Variants in SLC35F3 observed in about 807,000 individuals in gnomAD.
The protein encoded by SLC35F3 is putative thiamine transporter SLC35F3.
In SLC35F3, 25 loss-of-function variants were observed where a neutral mutation model predicts 49.9. That is an observed-to-expected ratio of 0.50 (90% CI 0.37 to 0.70). The LOEUF (loss-of-function observed/expected upper bound fraction) is 0.70, where lower values mean the gene tolerates loss of function less well. SLC35F3 is among the 30% of genes least tolerant of loss of function. The pLI is 0.00. For synonymous variants in SLC35F3, 275 were observed against 265.4 expected (o/e 1.04, Z -0.35); for missense variants, 525 against 639.8 (o/e 0.82, Z 1.94).
At position 233,905,586 on chromosome 1, in the gene SLC35F3, G is replaced by C. The variant is rs1250013776; in HGVS notation, c.111G>C (p.Gln37His). Residue 37 changes from glutamine to histidine, a missense_variant, in exon 2 of 8, where the codon CAG (glutamine) becomes CAC (histidine). Around this residue, in one of 4 missense-constraint regions of SLC35F3, gnomAD observed 228 missense variants for 218.9 expected, o/e 1.04. Coordinates refer to ENST00000366618, the MANE Select transcript of SLC35F3 (RefSeq NM_173508.4). ...GGAGACTGTCCGACATCAGCCCCCA[G>C]CTCCGGCAGCTCAAGTACTTGGTGG... is the stretch of plus-strand genomic sequence containing the variant. ...SPRRLSDISP[Q>H]LRQLKYLVVD... 12 of 1,614,032 alleles carry C rather than the reference G, an allele frequency of 7.4e-6. No individual in the cohort carries two copies. The highest frequency in any genetic ancestry group is 1.0e-5 in the Non-Finnish European group (12 of 1,180,044).
chr1:234,254,596 T>A (rs1667787675), intron 3 of SLC35F3, among the ~76,000 whole-genome samples: 1 of 152,184 alleles, frequency 6.6e-6, no homozygotes, highest in African/African-American at 2.4e-5. Flanking sequence ...CCAAGTTAAT[T>A]CTATCCCAGG....
Position 233,905,084 on chromosome 1 carries a change from A to T in SLC35F3, c.7A>T (p.Ile3Phe). 6.4e-7 allele frequency: 1 copy of T among 1,564,068 alleles called. No homozygotes were observed. The highest frequency in any genetic ancestry group is 1.3e-5 in the African/African-American group (1 of 74,224). Residue 3 changes from isoleucine to phenylalanine, a missense_variant, in exon 1 of 8, where the codon ATT becomes TTT. By Grantham distance (21) the Ile-to-Phe change is conservative (BLOSUM62 0). Around this residue, in one of 4 missense-constraint regions of SLC35F3, gnomAD observed 228 missense variants for 218.9 expected, o/e 1.04. Transcript: ENST00000366618. ...TCCCACTCTGTCTTTGCCTATGGGG[A>T]TTCGAGAGTTTCCCAGCGGCGCACC... MG[I>F]REFPSGAPRG...
At chr1:234,193,471 G>C (rs1666760364) in intron 2 of SLC35F3, among the ~76,000 whole-genome samples, 1 of 152,110 alleles carries the variant, frequency 6.6e-6, no homozygotes, top group Non-Finnish European at 1.5e-5. Flanking sequence ...CTAAATCAAA[G>C]ATCTGAAACT....
intron 2 of SLC35F3, among the ~76,000 whole-genome samples, chr1:234,203,477 C>T (rs1011000442): frequency 2.0e-5 from 3 of 152,170 alleles, no homozygotes; most frequent in African/African-American, 7.2e-5. Flanking sequence ...CTTTGGGAAG[C>T]CAAGGTGGGA....
chr1:234,317,369 CT>C (rs1657516969), intron 5 of SLC35F3, among the ~76,000 whole-genome samples: 1 of 151,592 alleles, frequency 6.6e-6, no homozygotes, highest in South Asian at 2.1e-4. Context: ...ATCAAGCCCC[CT>C]GGCTGCTCTC....
chr1:233,962,483 C>A (rs536818533), intron 2 of SLC35F3, among the ~76,000 whole-genome samples: 1 of 152,194 alleles, frequency 6.6e-6, no homozygotes, highest in Non-Finnish European at 1.5e-5. Flanking sequence ...ACACTAATTG[C>A]CAGGCATGCA....
At chr1:234,007,959 G>A (rs948716746) in intron 2 of SLC35F3, among the ~76,000 whole-genome samples, 1 of 152,028 alleles carries the variant, frequency 6.6e-6, no homozygotes, top group Non-Finnish European at 1.5e-5. Context: ...ATGAGACTAG[G>A]GCTAAATAGA....
At chr1:233,943,011 T>TG (rs775877193) in intron 2 of SLC35F3, among the ~76,000 whole-genome samples, 32 of 152,372 alleles carry the variant, frequency 2.1e-4, no homozygotes, top group Non-Finnish European at 4.1e-4. Context: ...GATTCATTCA[T>TG]GCTGTTGCAA....
chr1:234,084,356 T>C (rs1263997007), intron 2 of SLC35F3, among the ~76,000 whole-genome samples: 1 of 152,204 alleles, frequency 6.6e-6, no homozygotes, highest in East Asian at 1.9e-4. Flanking sequence ...CCCATTCAGT[T>C]ATTTGCACGT....
In SLC35F3 at chr1:234,284,312, A is replaced by G. The variant is rs537696234; in HGVS notation, c.609-24789A>G. 1.4e-4 allele frequency among the ~76,000 whole-genome samples: 21 copies of G among 152,352 alleles called. No individual in the cohort carries two copies. In the South Asian group the frequency reaches 3.9e-3, roughly 29 times the overall value. On this transcript the variant is annotated intron_variant, in intron 3 of 7. Transcript: ENST00000366618. ...CCCAAGATCTCACAGCTAGGAGGTGATAAGGGCAGAATTCAAGCCCAGATG... is the reference window on the plus strand; with the variant it reads ...CCCAAGATCTCACAGCTAGGAGGTGGTAAGGGCAGAATTCAAGCCCAGATG...
intron 2 of SLC35F3, among the ~76,000 whole-genome samples, chr1:234,100,547 T>G (rs1665199414): frequency 6.6e-6 from 1 of 152,228 alleles, no homozygotes; most frequent in Admixed American, 6.5e-5. Flanking sequence ...TTCAATGTGT[T>G]TATTTCCCAT....
intron 2 of SLC35F3, among the ~76,000 whole-genome samples, chr1:234,218,743 A>C (rs964310941): frequency 6.6e-6 from 1 of 152,182 alleles, no homozygotes; most frequent in African/African-American, 2.4e-5. Context: ...ATATCAGCTC[A>C]TGGCACTTTG....
chr1:234,202,035 T>C (rs2102934992), intron 2 of SLC35F3, among the ~76,000 whole-genome samples: 1 of 151,742 alleles, frequency 6.6e-6, no homozygotes, highest in East Asian at 1.9e-4. Context: ...ATATACACCA[T>C]GGAATACTAT....
chr1:234,275,709 G>A (rs552644374), intron 3 of SLC35F3, among the ~76,000 whole-genome samples: 176 of 149,096 alleles, frequency 1.2e-3, no homozygotes, highest in African/African-American at 3.8e-3. Flanking sequence ...TATGTTCTCC[G>A]ATCAGGTCAA....
At chr1:234,047,088 T>C (rs923004870) in intron 2 of SLC35F3, among the ~76,000 whole-genome samples, 4 of 152,230 alleles carry the variant, frequency 2.6e-5, no homozygotes, top group African/African-American at 9.6e-5. Context: ...AAACGCTTTT[T>C]GAGATTTTGA....
At chr1:234,164,038 A>G (rs1212066806) in intron 2 of SLC35F3, among the ~76,000 whole-genome samples, 1 of 152,048 alleles carries the variant, frequency 6.6e-6, no homozygotes, top group Non-Finnish European at 1.5e-5. Context: ...TGTAGCAGAG[A>G]CTGTAGAAGA....
At chr1:234,055,900 G>C (rs1290851767) in intron 2 of SLC35F3, among the ~76,000 whole-genome samples, 2 of 152,012 alleles carry the variant, frequency 1.3e-5, no homozygotes, top group Admixed American at 1.3e-4. Flanking sequence ...TTTATAATTG[G>C]ATATTACCAG....
intron 3 of SLC35F3, among the ~76,000 whole-genome samples, chr1:234,268,325 C>T (rs558023879): frequency 1.4e-5 from 2 of 139,154 alleles, no homozygotes; most frequent in African/African-American, 5.3e-5. Context: ...CGTGGCGGCG[C>T]GCGCCTGCAA....
chr1:234,031,676 T>C (rs904763815), intron 2 of SLC35F3, among the ~76,000 whole-genome samples: 2 of 152,146 alleles, frequency 1.3e-5, no homozygotes, highest in Admixed American at 1.3e-4. Flanking sequence ...TCCCATTTCA[T>C]TGGTATTACA....
Sources: gnomAD v4.1 joint callset for allele counts (sites outside exome capture counted in the v4.1 genomes callset) on GRCh38, gnomAD v4.1.1 for gene constraint, gnomAD v4.1.1 regional missense constraint, MANE v1.5 for transcripts, NCBI Gene and HGNC (gene_info 2026-07-23, HGNC 2026-07-21) for gene names.